SLC47A2: variants seen among roughly 807,000 people sequenced by gnomAD.
SLC47A2 encodes solute carrier family 47 member 2.
SLC47A2 carries 52 observed loss-of-function variants against 67.7 expected under a neutral mutation model. The observed-to-expected ratio is 0.77, with a 90% confidence interval of 0.61 to 0.97. SLC47A2 has a LOEUF of 0.97. Among genes scored for constraint, SLC47A2 ranks in the 50% least tolerant of loss-of-function variants. The probability of loss-of-function intolerance (pLI) is 0.00; values close to 1 mark genes in which losing one functional copy is unlikely to be tolerated. For missense variants in SLC47A2, 676 were observed against 712.3 expected, an observed-to-expected ratio of 0.95 and a Z score of 0.58; for synonymous variants, 278 against 292.9, an observed-to-expected ratio of 0.95 and a Z score of 0.52.
At chr17:19,711,588 CAAAAAAA>C (rs35308426) in intron 5 of SLC47A2, among the ~76,000 whole-genome samples, 51 of 32,996 alleles carry the variant, frequency 1.5e-3, no homozygotes, top group East Asian at 4.2e-3. Flanking sequence ...AACTCCGTCT[CAAAAAAA>C]AAAAAAAAAA....
intron 4 of SLC47A2, 22 bp from the exon 5 acceptor site, chr17:19,712,767 C>A: frequency 6.2e-7 from 1 of 1,610,748 alleles, no homozygotes; most frequent in Non-Finnish European, 8.5e-7. Flanking sequence ...GGAGAAGCTC[C>A]GGAGCTGACC....
intron 9 of SLC47A2, 98 bp downstream of exon 9, chr17:19,706,550 G>A: frequency 1.0e-6 from 1 of 979,308 alleles, no homozygotes; most frequent in East Asian, 2.7e-5. Context: ...CCTGGGGAGG[G>A]GGCTTCTGGG....
At position 19,678,376 on chromosome 17, in the gene SLC47A2, C is replaced by T; in HGVS notation, c.*310G>A. 3.0e-6 allele frequency: 1 copy of T among 337,828 alleles called. No individual in the cohort carries two copies. The highest frequency in any genetic ancestry group is 5.4e-5 in the East Asian group (1 of 18,574). 20.9% of individuals were successfully genotyped at this position (337,828 alleles called of 1,614,324 possible). ...TTTTTGTGATTTTATCTGCAGTGTC[C>T]CATTTGAAGCCATTTACATTATTAA... On this transcript the variant is annotated 3_prime_UTR_variant, in exon 17 of 17. Coordinates refer to ENST00000433844, the MANE Select transcript of SLC47A2 (RefSeq NM_001099646.3).
chr17:19,702,326 G>A (rs771867735), intron 13 of SLC47A2: 49 of 985,280 alleles, frequency 5.0e-5, no homozygotes, highest in Non-Finnish European at 5.3e-5. Context: ...TGAGGAATCC[G>A]GAAGAAAAAG....
chr17:19,712,082 C>T (rs1039993054), intron 5 of SLC47A2, among the ~76,000 whole-genome samples: 2 of 151,874 alleles, frequency 1.3e-5, no homozygotes, highest in African/African-American at 4.8e-5. Flanking sequence ...TACACACACC[C>T]GTGAATAGAA....
chr17:19,702,610 T>C lies in SLC47A2; in HGVS notation c.1159A>G (p.Ile387Val). 1 of 1,613,928 alleles carries C rather than the reference T, an allele frequency of 6.2e-7. No individual in the cohort carries two copies. The highest frequency in any genetic ancestry group is 8.5e-7 in the Non-Finnish European group (1 of 1,179,970). The change falls in exon 13 of 17, where the codon ATC becomes GTC. Residue 387 changes from isoleucine to valine, a missense_variant. Ile to Val is a conservative substitution (Grantham distance 29). Coordinates refer to ENST00000433844, the MANE Select transcript of SLC47A2 (RefSeq NM_001099646.3). ...VYSVFHVFEA[I>V]CCVYGGVLRG... The stretch of plus-strand genomic sequence containing the variant: ...TGGATCAAAGTGGTACTTACACAGA[T>C]GGCCTCAAACACGTGAAAGACACTA...
chr17:19,701,924 G>T (rs2085795831), intron 13 of SLC47A2, among the ~76,000 whole-genome samples: 1 of 152,028 alleles, frequency 6.6e-6, no homozygotes, highest in Non-Finnish European at 1.5e-5. Context: ...ATCATAGTGT[G>T]ACCCTGTCTC....
At chr17:19,706,500 C>T in intron 9 of SLC47A2, 148 bp downstream of exon 9, 2 of 600,756 alleles carry the variant, frequency 3.3e-6, no homozygotes, top group Admixed American at 3.5e-5. Context: ...AGCCTGAGGG[C>T]CTGGCCAGTG....
chr17:19,702,411 CAGA>C (rs1233325032), intron 13 of SLC47A2, 191 bp downstream of exon 13: 6 of 985,356 alleles, frequency 6.1e-6, no homozygotes, highest in Non-Finnish European at 6.0e-6. Context: ...GTGTAAATTG[CAGA>C]AGAAGAGGGA....
chr17:19,706,916 G>T (rs1034306211), intron 8 of SLC47A2, among the ~76,000 whole-genome samples, 155 bp from the exon 9 acceptor site: 3 of 152,134 alleles, frequency 2.0e-5, no homozygotes, highest in African/African-American at 4.8e-5. Context: ...GAATGCAGCT[G>T]GTCTAGAGCT....
Position 19,678,677 on chromosome 17 carries a change from G to A in SLC47A2, c.*9C>T. The A allele has an allele frequency of 6.2e-7, 1 of 1,610,982 alleles. No homozygotes were observed. The highest frequency in any genetic ancestry group is 1.1e-5 in the South Asian group (1 of 91,000). On this transcript the variant is annotated 3_prime_UTR_variant, in exon 17 of 17. Coordinates refer to ENST00000433844, the MANE Select transcript of SLC47A2 (RefSeq NM_001099646.3). ...GCCACTCCTGGCTTTCTATTTCCAAGCTTCTTTGCTAGTGCCTGGTGGCTA... is the reference window on the plus strand; with the variant it reads ...GCCACTCCTGGCTTTCTATTTCCAAACTTCTTTGCTAGTGCCTGGTGGCTA...
chr17:19,715,098 G>T lies in SLC47A2; in HGVS notation c.225+18C>A. 1 of 1,608,680 alleles carries T rather than the reference G, an allele frequency of 6.2e-7. No homozygotes were observed. On this transcript the variant is annotated intron_variant, in intron 2 of 16. Coordinates refer to ENST00000433844, the MANE Select transcript of SLC47A2 (RefSeq NM_001099646.3). ...TGGGGAGAGAACGTCCCTGCTCTGG[G>T]CCAAGCTGGGTACTCACGGCCACCG...
intron 13 of SLC47A2, among the ~76,000 whole-genome samples, chr17:19,696,243 G>T (rs999767051): frequency 8.8e-5 from 13 of 147,828 alleles, no homozygotes; most frequent in Admixed American, 1.4e-4. Flanking sequence ...ATGAGATCAG[G>T]AGATCAAGAC....
At chr17:19,707,276 G>T (rs562877397) in intron 8 of SLC47A2, among the ~76,000 whole-genome samples, 63 of 152,126 alleles carry the variant, frequency 4.1e-4, no homozygotes, top group African/African-American at 1.5e-3. Flanking sequence ...GTATGGGATT[G>T]GCTCTCAAGA....
chr17:19,682,379 A>G (rs1214990892), intron 13 of SLC47A2, among the ~76,000 whole-genome samples: 1 of 150,556 alleles, frequency 6.6e-6, no homozygotes, highest in Non-Finnish European at 1.5e-5. Context: ...TTATTATTTT[A>G]TTTTACAGTT....
intron 13 of SLC47A2, among the ~76,000 whole-genome samples, chr17:19,682,375 TTTTA>T (rs764038520): frequency 1.0e-4 from 15 of 143,694 alleles, no homozygotes; most frequent in South Asian, 2.1e-4. Context: ...AAATTTATTA[TTTTA>T]TTTTACAGTT....
chr17:19,688,970 G>A (rs528706271), intron 13 of SLC47A2, among the ~76,000 whole-genome samples: 1 of 151,814 alleles, frequency 6.6e-6, no homozygotes, highest in Non-Finnish European at 1.5e-5. Flanking sequence ...AGCTCAAGCA[G>A]TCCTCCCACC....
In SLC47A2 at chr17:19,685,235, G is replaced by A. The variant is rs1402191333; in HGVS notation, c.1165-3565C>T. On this transcript the variant is annotated intron_variant, in intron 13 of 16. Transcript: ENST00000433844. The surrounding 1 kb of genome is among the most constrained non-coding windows in gnomAD (Gnocchi z 4.5). ...GCTGCCTGCCTTGGCCTCCCAAAGT[G>A]CTAAGATTACAGCCTCTGCCCGCCC... Among the ~76,000 whole-genome samples the A allele has an allele frequency of 6.6e-6, 1 of 152,090 alleles. No individual in the cohort carries two copies. Among genetic ancestry groups the A allele is most frequent in the Non-Finnish European group, 1.5e-5 (1 of 68,018 alleles).
rs751113380 is a variant in SLC47A2, at chr17:19,678,691, G to A, written c.1696C>T (p.His566Tyr). The A allele has an allele frequency of 1.9e-6, 3 of 1,611,948 alleles. No homozygotes were observed. Among genetic ancestry groups the A allele is most frequent in the Non-Finnish European group, 2.5e-6 (3 of 1,179,572 alleles). Residue 566 changes from histidine (H) to tyrosine (Y), a missense_variant, in exon 17 of 17, where the codon CAC becomes TAC. Physicochemically the swap from His to Tyr is moderately conservative, Grantham distance 83 (BLOSUM62 2). Coordinates refer to ENST00000433844, the MANE Select transcript of SLC47A2 (RefSeq NM_001099646.3). Reference sequence around the variant, plus strand: ...TCTATTTCCAAGCTTCTTTGCTAGTGCCTGGTGGCTAGGATCCTGACCGTG... The same window carrying A: ...TCTATTTCCAAGCTTCTTTGCTAGTACCTGGTGGCTAGGATCCTGACCGTG... ...GLTVRILATRH is the reference protein window; with the variant it reads ...GLTVRILATRY
Sources: gnomAD v4.1 joint callset for allele counts (sites outside exome capture counted in the v4.1 genomes callset) on GRCh38, gnomAD v4.1.1 for gene constraint, Gnocchi (gnomAD v3.1) non-coding constraint, MANE v1.5 for transcripts, NCBI Gene and HGNC (gene_info 2026-07-23, HGNC 2026-07-21) for gene names.